The following LMBRD2 variants were observed in gnomAD, a reference collection of about 807,000 sequenced individuals.
LMBRD2 encodes the protein LMBR1 domain containing 2, also known as G protein-coupled receptor-associated protein LMBRD2.
A neutral mutation model predicts 94.4 loss-of-function variants in LMBRD2; 55 were observed. The ratio of observed to expected loss-of-function variants is 0.58; its 90% CI spans 0.47 to 0.73. LMBRD2 has a LOEUF of 0.73. Among genes scored for constraint, LMBRD2 ranks in the 30% least tolerant of loss-of-function variants. LMBRD2 has a pLI of 0.00. For missense variants in LMBRD2, 640 were observed against 831.9 expected (o/e 0.77, Z 2.84); for synonymous variants, 246 against 272.4 (o/e 0.90, Z 0.95).
intron 3 of LMBRD2, among the ~76,000 whole-genome samples, chr5:36,141,709 T>C (rs1744415000): frequency 6.6e-6 from 1 of 152,106 alleles, no homozygotes; most frequent in African/African-American, 2.4e-5. Context: ...ATGCTAGCAA[T>C]TATACATAAT....
At chr5:36,124,301 T>TG (rs750821423) in intron 6 of LMBRD2, 36 bp from the exon 7 acceptor site, 1 of 1,231,070 alleles carries the variant, frequency 8.1e-7, no homozygotes, top group East Asian at 2.4e-5. Flanking sequence ...AATATTTCCA[T>TG]TTCTACAGAT....
rs1303401023 is a variant in LMBRD2, at chr5:36,099,794, T to G, written c.*4252A>C. ...AAATAAATGTCTTTTAGGATATTGATGAGAAGAGGAACATGCCAATATCCT... is the reference window on the plus strand; with the variant it reads ...AAATAAATGTCTTTTAGGATATTGAGGAGAAGAGGAACATGCCAATATCCT... On this transcript the variant is annotated 3_prime_UTR_variant, in exon 18 of 18. Transcript: ENST00000296603. 1.3e-5 allele frequency: 2 copies of G among 152,166 alleles called. No homozygotes were observed. Among genetic ancestry groups the G allele is most frequent in the Non-Finnish European group, 2.9e-5 (2 of 68,022 alleles). 9.4% of individuals were successfully genotyped at this position (152,166 alleles called of 1,614,324 possible). A position where few individuals can be genotyped will look rare whatever the true frequency, so the allele number is the denominator to read the frequency against.
At chr5:36,127,644 C>T (rs950585224) in intron 6 of LMBRD2, among the ~76,000 whole-genome samples, 9 of 152,144 alleles carry the variant, frequency 5.9e-5, no homozygotes, top group Admixed American at 5.9e-4. Flanking sequence ...CTCATTGTGG[C>T]CCTGGGGCAG....
chr5:36,130,814 T>C (rs1305894714), intron 6 of LMBRD2, among the ~76,000 whole-genome samples: 1 of 152,044 alleles, frequency 6.6e-6, no homozygotes, highest in African/African-American at 2.4e-5. Context: ...CCTGAACAGA[T>C]TGACAACAAG....
chr5:36,132,285 T>C (rs1744173062), intron 6 of LMBRD2, among the ~76,000 whole-genome samples: 2 of 152,012 alleles, frequency 1.3e-5, no homozygotes, highest in African/African-American at 4.8e-5. Flanking sequence ...AGACCAGTTA[T>C]CTCCCCATAT....
chr5:36,126,509 G>A (rs2111881026), intron 6 of LMBRD2, among the ~76,000 whole-genome samples: 1 of 152,242 alleles, frequency 6.6e-6, no homozygotes, highest in Admixed American at 6.5e-5. Context: ...AAGCAGGTCA[G>A]ACAGCATTCG....
Position 36,102,278 on chromosome 5 carries a change from A to G in LMBRD2, c.*1768T>C, listed in dbSNP as rs1743362159. On this transcript the variant is annotated 3_prime_UTR_variant, in exon 18 of 18. Transcript: ENST00000296603. ...TCACAATGGCTTTGTAAGGTAGATC[A>G]GCAGGTAAATAGCAAGTATCATCTT... is the stretch of plus-strand genomic sequence containing the variant. The G allele has an allele frequency of 1.3e-5, 2 of 151,938 alleles. 1 individual carries two copies. Among genetic ancestry groups the G allele is most frequent in the South Asian group, 4.1e-4 (2 of 4,834 alleles). The allele number at this position is 151,938 out of a possible 1,614,324, so 9.4% of individuals were successfully genotyped here.
intron 1 of LMBRD2, chr5:36,147,934 G>A (rs768275788): frequency 1.0e-5 from 4 of 395,522 alleles, no homozygotes; most frequent in South Asian, 7.4e-5. Context: ...CTCAAATACT[G>A]TTAACTTAAA....
intron 1 of LMBRD2, among the ~76,000 whole-genome samples, chr5:36,145,618 T>G (rs1209466715): frequency 1.3e-5 from 2 of 151,992 alleles, no homozygotes; most frequent in African/African-American, 4.8e-5. Context: ...AGATCTAGGG[T>G]TTTTTTTCTT....
At chr5:36,118,059 G>C in intron 9 of LMBRD2, 143 bp from the exon 10 acceptor site, 1 of 634,408 alleles carries the variant, frequency 1.6e-6, no homozygotes, top group Non-Finnish European at 2.7e-6. Context: ...AGGCAGATAC[G>C]AACCTAACCA....
At position 36,142,506 on chromosome 5, in the gene LMBRD2, G is replaced by T; in HGVS notation, c.268C>A (p.Pro90Thr). The change falls in exon 3 of 18, where the codon CCA (proline) becomes ACA (threonine). Residue 90 changes from proline (P) to threonine (T), a missense_variant. Pro to Thr is a conservative substitution (Grantham distance 38). Around this residue, in one of 2 missense-constraint regions of LMBRD2, gnomAD observed 457 missense variants for 642.8 expected, o/e 0.71. Transcript: ENST00000296603. ...TGLYATANPV[P>T]SQHPCFKPWS... The stretch of plus-strand genomic sequence containing the variant: ...TTTTTTTAAAAAAGGAAATACCTTG[G>T]AACAGGGTTAGCAGTTGCGTACAAT... 6.4e-7 allele frequency: 1 copy of T among 1,569,564 alleles called. No homozygotes were observed. Among genetic ancestry groups the T allele is most frequent in the Non-Finnish European group, 8.8e-7 (1 of 1,141,796 alleles).
chr5:36,134,214 C>T (rs982747708), intron 6 of LMBRD2, among the ~76,000 whole-genome samples: 3 of 152,034 alleles, frequency 2.0e-5, no homozygotes, highest in African/African-American at 7.2e-5. Flanking sequence ...ATACTATTTA[C>T]AGACTCACTC....
At chr5:36,142,786 G>A (rs562436898) in intron 2 of LMBRD2, 187 bp from the exon 3 acceptor site, 11 of 419,626 alleles carry the variant, frequency 2.6e-5, no homozygotes, top group East Asian at 1.3e-4. Context: ...GTGCAGTGGC[G>A]CGATCTCGGC....
chr5:36,111,361 C>A, intron 13 of LMBRD2, 103 bp from the exon 14 acceptor site: 1 of 782,370 alleles, frequency 1.3e-6, no homozygotes, highest in South Asian at 1.5e-5. Context: ...GACTATGCTT[C>A]ATTATCTGTT....
chr5:36,104,136 A>G, intron 17 of LMBRD2, 30 bp from the exon 18 acceptor site: 1 of 1,548,988 alleles, frequency 6.5e-7, no homozygotes, highest in Non-Finnish European at 8.9e-7. Context: ...AAATGATCTG[A>G]GGCATCAAAA....
At chr5:36,113,044 C>T (rs556943622) in intron 13 of LMBRD2, among the ~76,000 whole-genome samples, 1 of 152,166 alleles carries the variant, frequency 6.6e-6, no homozygotes, top group South Asian at 2.1e-4. Flanking sequence ...GGAGAACACC[C>T]CTCATATTGT....
chr5:36,114,948 AT>A (rs1432873168), intron 12 of LMBRD2, 66 bp downstream of exon 12: 47 of 1,055,652 alleles, frequency 4.5e-5, no homozygotes, highest in Admixed American at 9.9e-5. Flanking sequence ...ATTAAAAGAA[AT>A]TTCACAATAA....
chr5:36,140,223 C>A (rs1744370885), intron 4 of LMBRD2, among the ~76,000 whole-genome samples: 1 of 152,224 alleles, frequency 6.6e-6, no homozygotes, highest in Non-Finnish European at 1.5e-5. Context: ...ACACCTGTGC[C>A]GATGCCTGGA....
chr5:36,143,458 T>A (rs529503505), intron 1 of LMBRD2, 52 bp from the exon 2 acceptor site: 1 of 728,818 alleles, frequency 1.4e-6, no homozygotes, highest in African/African-American at 1.8e-5. Context: ...GAAATGACAT[T>A]TGGAAATTTC....
Sources: gnomAD v4.1 joint callset for allele counts (sites outside exome capture counted in the v4.1 genomes callset) on GRCh38, gnomAD v4.1.1 for gene constraint, gnomAD v4.1.1 regional missense constraint, MANE v1.5 for transcripts, NCBI Gene and HGNC (gene_info 2026-07-23, HGNC 2026-07-21) for gene names.